ADSL: variants seen among roughly 807,000 people sequenced by gnomAD.
ADSL encodes the protein adenylosuccinase.
In ADSL, 44 loss-of-function variants were observed where a neutral mutation model predicts 62.1. That is an observed-to-expected ratio of 0.71 (90% CI 0.56 to 0.91). The LOEUF (loss-of-function observed/expected upper bound fraction) is 0.91, where lower values mean the gene tolerates loss of function less well. Ranked by LOEUF, ADSL falls within the 40% of genes least tolerant of loss-of-function variation. ADSL has a pLI of 0.00. For synonymous variants in ADSL, 198 were observed against 220.5 expected, an observed-to-expected ratio of 0.90 and a Z score of 0.90; for missense variants, 531 against 627.4, an observed-to-expected ratio of 0.85 and a Z score of 1.64.
rs1321423641 is a variant in ADSL, at chr22:40,369,133, A to G, written c.*2611A>G. The G allele has an allele frequency of 1.3e-5, 2 of 152,160 alleles. No individual in the cohort carries two copies. Among genetic ancestry groups the G allele is most frequent in the African/African-American group, 4.8e-5 (2 of 41,434 alleles). The allele number at this position is 152,160 out of a possible 1,614,324, so 9.4% of individuals were successfully genotyped here. A position where few individuals can be genotyped will look rare whatever the true frequency, so the allele number is the denominator to read the frequency against. On this transcript the variant is annotated 3_prime_UTR_variant, in exon 13 of 13. Coordinates refer to ENST00000623063, the MANE Select transcript of ADSL (RefSeq NM_000026.4). ...GGATACCATGGATTTTAGTTAATAC[A>G]TTTCCTCATAGAAAATAAGGAAATA...
At chr22:40,377,557 C>G (rs1277359300) in intron 2 of ADSL, among the ~76,000 whole-genome samples, 1 of 152,134 alleles carries the variant, frequency 6.6e-6, no homozygotes, top group African/African-American at 2.4e-5. Context: ...TAAAATAGGC[C>G]TGGTGTCGTG....
In ADSL at chr22:40,366,656, C is replaced by T; in HGVS notation, c.*134C>T. The T allele has an allele frequency of 1.4e-6, 1 of 714,876 alleles. No homozygotes were observed. The highest frequency in any genetic ancestry group is 2.8e-5 in the East Asian group (1 of 36,200). 44.3% of individuals were successfully genotyped at this position (714,876 alleles called of 1,614,324 possible). A position where few individuals can be genotyped will look rare whatever the true frequency, so the allele number is the denominator to read the frequency against. ...CACTTTCTTCTTCCCATGGTGCTTT[C>T]CTGTTTCTCAGTCTCACATTTCTCA... On this transcript the variant is annotated 3_prime_UTR_variant, in exon 13 of 13. Coordinates refer to ENST00000623063, the MANE Select transcript of ADSL (RefSeq NM_000026.4).
intron 9 of ADSL, 63 bp from the exon 10 acceptor site, chr22:40,362,918 A>G (rs959639762): frequency 6.9e-7 from 1 of 1,446,112 alleles, no homozygotes; most frequent in African/African-American, 1.4e-5. Flanking sequence ...TTGTTGGGAC[A>G]CACACTGCAT....
chr22:40,351,232 G>A (rs555646107), intron 2 of ADSL, among the ~76,000 whole-genome samples: 3 of 151,094 alleles, frequency 2.0e-5, no homozygotes, highest in African/African-American at 4.9e-5. Flanking sequence ...GTGCAATGGC[G>A]CAATCTCAGC....
intron 2 of ADSL, among the ~76,000 whole-genome samples, chr22:40,351,687 G>A (rs2044352990): frequency 6.6e-6 from 1 of 152,130 alleles, no homozygotes; most frequent in South Asian, 2.1e-4. Context: ...GAATAAGCCA[G>A]TAATTTTTAA....
At position 40,366,979 on chromosome 22, in the gene ADSL, T is replaced by TA. The variant is rs71718801; in HGVS notation, c.*474dup. On this transcript the variant is annotated 3_prime_UTR_variant, in exon 13 of 13. Coordinates refer to ENST00000623063, the MANE Select transcript of ADSL (RefSeq NM_000026.4). ...GAAGTTTGGAACTACAGTAAATACT[T>TA]AAAAAAAAAAAAAAAAAGAACCAAA... 0.2 allele frequency: 27,390 copies of TA among 135,886 alleles called. 2,787 individuals carry two copies. Among genetic ancestry groups the TA allele is most frequent in the Admixed American group, 0.37 (5,233 of 14,090 alleles). 8.4% of individuals were successfully genotyped at this position (135,886 alleles called of 1,614,324 possible). A position where few individuals can be genotyped will look rare whatever the true frequency, so the allele number is the denominator to read the frequency against.
At position 40,366,821 on chromosome 22, in the gene ADSL, A is replaced by G. The variant is rs1159972739; in HGVS notation, c.*299A>G. On this transcript the variant is annotated 3_prime_UTR_variant, in exon 13 of 13. Transcript: ENST00000623063. ...TTTTCACGTGTTCATTTGCTTGTAA[A>G]GTAGCAAGAAATTTCTGGTCCTGTC... The G allele has an allele frequency of 8.2e-6, 3 of 363,792 alleles. No individual in the cohort carries two copies. Among genetic ancestry groups the G allele is most frequent in the African/African-American group, 2.1e-5 (1 of 47,670 alleles). 22.5% of individuals were successfully genotyped at this position (363,792 alleles called of 1,614,324 possible).
intron 11 of ADSL, 90 bp downstream of exon 11, chr22:40,364,455 ATGTCAT>A: frequency 9.0e-7 from 1 of 1,114,866 alleles, no homozygotes; most frequent in Non-Finnish European, 1.3e-6. Context: ...GAAGGTGTTT[ATGTCAT>A]TACCTTCAGT....
At chr22:40,361,737 T>G in intron 9 of ADSL, 102 bp downstream of exon 9, 1 of 1,459,488 alleles carries the variant, frequency 6.9e-7, no homozygotes, top group Non-Finnish European at 9.4e-7. Flanking sequence ...AGTCTCCTTA[T>G]CCCCAAGGAT....
In ADSL at chr22:40,369,284, C is replaced by T. The variant is rs1242141507; in HGVS notation, c.*2762C>T. On this transcript the variant is annotated 3_prime_UTR_variant, in exon 13 of 13. Transcript: ENST00000623063. ...GTTGGTGCATCTCTTGTCTTCTTTC[C>T]TTTTCCATTCTCCTTTATTTTTGTA... 6.6e-6 allele frequency: 1 copy of T among 151,938 alleles called. No homozygotes were observed. The highest frequency in any genetic ancestry group is 1.9e-4 in the East Asian group (1 of 5,190). 9.4% of individuals were successfully genotyped at this position (151,938 alleles called of 1,614,324 possible). A position where few individuals can be genotyped will look rare whatever the true frequency, so the allele number is the denominator to read the frequency against.
intron 4 of ADSL, among the ~76,000 whole-genome samples, chr22:40,355,333 G>C (rs1276847795): frequency 6.6e-6 from 1 of 152,072 alleles, no homozygotes; most frequent in Non-Finnish European, 1.5e-5. Context: ...TGGAGAGATA[G>C]GGTTTCGCCA....
intron 2 of ADSL, among the ~76,000 whole-genome samples, chr22:40,386,020 T>C (rs1451796630): frequency 2.1e-5 from 3 of 140,968 alleles, no homozygotes; most frequent in Non-Finnish European, 4.6e-5. Flanking sequence ...CCCGGCTAAT[T>C]TTTTGTTTTT....
intron 4 of ADSL, among the ~76,000 whole-genome samples, chr22:40,358,543 C>T (rs1481126249): frequency 6.6e-6 from 1 of 152,170 alleles, no homozygotes; most frequent in Non-Finnish European, 1.5e-5. Context: ...ATGTTCATGC[C>T]ACTGCACTTC....
At chr22:40,360,298 C>G (rs2044733158) in intron 6 of ADSL, 104 bp from the exon 7 acceptor site, 4 of 889,134 alleles carry the variant, frequency 4.5e-6, no homozygotes, top group South Asian at 1.4e-5. Flanking sequence ...TGAGTTAAAG[C>G]AGTCCTCCTC....
intron 2 of ADSL, among the ~76,000 whole-genome samples, chr22:40,385,158 T>C (rs9611324): frequency 0.31 from 47,460 of 152,032 alleles, 9,680 homozygotes; most frequent in African/African-American, 0.56. Context: ...AATGAAGCCA[T>C]AGGAACTGGA....
intron 2 of ADSL, chr22:40,387,195 A>G (rs2048610491): frequency 2.5e-6 from 1 of 398,586 alleles, no homozygotes; most frequent in East Asian, 3.6e-5. Context: ...TGCTTAACAC[A>G]TATTATTTTT....
At chr22:40,353,270 T>C in intron 3 of ADSL, 153 bp downstream of exon 3, 1 of 717,882 alleles carries the variant, frequency 1.4e-6, no homozygotes, top group Non-Finnish European at 2.6e-6. Context: ...GTAGAACTAA[T>C]TGTTTCTTCT....
intron 9 of ADSL, among the ~76,000 whole-genome samples, chr22:40,362,624 A>G (rs1051793709): frequency 1.3e-5 from 2 of 152,180 alleles, no homozygotes; most frequent in Non-Finnish European, 2.9e-5. Flanking sequence ...GAGTATAAAG[A>G]GCTTGGTGAG....
At chr22:40,383,408 A>G (rs1309819030) in intron 2 of ADSL, among the ~76,000 whole-genome samples, 1 of 151,060 alleles carries the variant, frequency 6.6e-6, no homozygotes. Flanking sequence ...TGGAGCTCGC[A>G]GTGAGCCGAG....
Sources: gnomAD v4.1 joint callset for allele counts (sites outside exome capture counted in the v4.1 genomes callset) on GRCh38, gnomAD v4.1.1 for gene constraint, MANE v1.5 for transcripts, NCBI Gene and HGNC (gene_info 2026-07-23, HGNC 2026-07-21) for gene names.